Variants in DNMT3B observed in about 807,000 individuals in gnomAD.
The protein encoded by DNMT3B is DNA methyltransferase 3 beta, also known as DNA (cytosine-5)-methyltransferase 3B.
In DNMT3B, 37 loss-of-function variants were observed where a neutral mutation model predicts 120.2. The ratio of observed to expected loss-of-function variants is 0.31; its 90% CI spans 0.24 to 0.40. The LOEUF (loss-of-function observed/expected upper bound fraction) is 0.40. Ranked by LOEUF, DNMT3B falls within the 10% of genes least tolerant of loss-of-function variation. The pLI is 1.00. For missense variants in DNMT3B, 878 were observed against 1,137.3 expected, an observed-to-expected ratio of 0.77 and a Z score of 3.28; for synonymous variants, 412 against 442.8, an observed-to-expected ratio of 0.93 and a Z score of 0.87.
rs1273871968 is a variant in DNMT3B at position 32,787,341 on chromosome 20, C to G, written c.544C>G (p.Gln182Glu). 6.2e-7 allele frequency: 1 copy of G among 1,614,230 alleles called. No homozygotes were observed. Among genetic ancestry groups the G allele is most frequent in the South Asian group, 1.1e-5 (1 of 91,090 alleles). ...CACAGAGGACACACATGGGACGCCC[C>G]AGAGCAGCAGTACCCCCTACGCCCG... ...DDTEDTHGTP[Q>E]SSSTPYARLA... is the part of the protein sequence containing the mutation. Residue 182 changes from glutamine (Q) to glutamate (E), a missense_variant, in exon 6 of 23, where the codon CAG (glutamine) becomes GAG (glutamate). This residue lies in a region of DNMT3B where 287 missense variants were observed against 306.2 expected (regional missense o/e 0.94). Transcript: ENST00000328111.
In DNMT3B at chr20:32,807,877, C is replaced by T. The variant is rs1601145383; in HGVS notation, c.2536C>T (p.Leu846=). Residue 846 remains leucine (L), a synonymous_variant, in exon 23 of 23, where the codon CTG becomes TTG. Transcript: ENST00000328111. ...VPVIRHLFAP[L]KDYFACE ...TGTCATCCGACACCTCTTCGCCCCTCTGAAGGACTACTTTGCATGTGAATA... is the reference window on the plus strand; with the variant it reads ...TGTCATCCGACACCTCTTCGCCCCTTTGAAGGACTACTTTGCATGTGAATA... The T allele has an allele frequency of 1.9e-6, 3 of 1,614,252 alleles. No homozygotes were observed. The East Asian group carries it at 6.7e-5, about 36-fold the overall frequency.
At position 32,808,674 on chromosome 20, in the gene DNMT3B, TG is replaced by T. The variant is rs1982218863; in HGVS notation, c.*772del. On this transcript the variant is annotated 3_prime_UTR_variant, in exon 23 of 23. Transcript: ENST00000328111. The stretch of plus-strand genomic sequence containing the variant: ...CCTCTGGGGAGCTCAGGAAGGGGTG[TG>T]CTGAGTTCTATAATATAAGCTGCCA... 1 of 229,984 alleles carries T rather than the reference TG, an allele frequency of 4.3e-6. No individual in the cohort carries two copies. 14.2% of individuals were successfully genotyped at this position (229,984 alleles called of 1,614,324 possible).
At chr20:32,803,048 C>A (rs1206392984) in intron 20 of DNMT3B, among the ~76,000 whole-genome samples, 1 of 152,132 alleles carries the variant, frequency 6.6e-6, no homozygotes, top group Non-Finnish European at 1.5e-5. Flanking sequence ...CTTGGCCAGG[C>A]TCATGGTGAC....
In DNMT3B at chr20:32,781,472, A is replaced by C. The variant is rs1978618518; in HGVS notation, c.204+58A>C. ...AGGGACTTTGTCTTTGGCTTTCATC[A>C]CGTGGGCTGCCTGAGGCCCATAAAA... On this transcript the variant is annotated intron_variant, in intron 3 of 22. Coordinates refer to ENST00000328111, the MANE Select transcript of DNMT3B (RefSeq NM_006892.4). The C allele has an allele frequency of 5.6e-6, 9 of 1,594,726 alleles. No individual in the cohort carries two copies. The East Asian group carries it at 1.8e-4, about 32-fold the overall frequency.
intron 12 of DNMT3B, 122 bp from the exon 13 acceptor site, chr20:32,796,668 G>A (rs1396026952): frequency 1.1e-5 from 11 of 1,047,370 alleles, no homozygotes; most frequent in East Asian, 2.4e-5. Context: ...GGCCTGAGGT[G>A]CAAAGAGTCC....
At chr20:32,784,425 A>C (rs897538903) in intron 3 of DNMT3B, among the ~76,000 whole-genome samples, 8 of 152,262 alleles carry the variant, frequency 5.3e-5, no homozygotes, top group Admixed American at 3.3e-4. Context: ...TCAAAGCCAC[A>C]CAGTTGGTGA....
chr20:32,807,162 G>T (rs575915462), intron 22 of DNMT3B, among the ~76,000 whole-genome samples: 4 of 152,204 alleles, frequency 2.6e-5, no homozygotes, highest in Non-Finnish European at 4.4e-5. Flanking sequence ...AATAACCCAC[G>T]CAGCCATTGG....
intron 1 of DNMT3B, among the ~76,000 whole-genome samples, chr20:32,771,158 A>C (rs924061621): frequency 7.2e-5 from 11 of 152,228 alleles, no homozygotes; most frequent in Non-Finnish European, 1.3e-4. Context: ...GAAATAATTT[A>C]TTTGAAAGTC....
chr20:32,802,748 C>T (rs982178790), intron 20 of DNMT3B, among the ~76,000 whole-genome samples: 1 of 152,150 alleles, frequency 6.6e-6, no homozygotes, highest in African/African-American at 2.4e-5. Context: ...GCCTGTAATC[C>T]CAGCACTTTG....
At chr20:32,766,211 G>A (rs1394504140) in intron 1 of DNMT3B, among the ~76,000 whole-genome samples, 1 of 152,138 alleles carries the variant, frequency 6.6e-6, no homozygotes. Flanking sequence ...AGGCGTGTTT[G>A]TGCATGCCTG....
intron 1 of DNMT3B, among the ~76,000 whole-genome samples, chr20:32,779,146 T>C (rs1406161228): frequency 6.6e-6 from 1 of 152,192 alleles, no homozygotes; most frequent in Non-Finnish European, 1.5e-5. Flanking sequence ...GTGAGTGACC[T>C]GGAGCTGTTT....
intron 4 of DNMT3B, among the ~76,000 whole-genome samples, chr20:32,785,087 C>T (rs575009684): frequency 6.7e-6 from 1 of 150,330 alleles, no homozygotes; most frequent in Non-Finnish European, 1.5e-5. Context: ...CCCAGGCTGG[C>T]GTGCAATGGC....
At chr20:32,779,333 G>T (rs1005804186) in intron 1 of DNMT3B, among the ~76,000 whole-genome samples, 2 of 152,250 alleles carry the variant, frequency 1.3e-5, no homozygotes, top group African/African-American at 2.4e-5. Flanking sequence ...CTACCTCTTA[G>T]ATGGGCTATA....
At chr20:32,780,109 TGTCCACATGGAACCAA>T (rs1568829872) in intron 1 of DNMT3B, 193 bp from the exon 2 acceptor site, 1 of 1,613,444 alleles carries the variant, frequency 6.2e-7, no homozygotes, top group Non-Finnish European at 8.5e-7. Context: ...CGGGACAGCC[TGTCCACATGGAACCAA>T]GTCCTGAGCC....
Position 32,807,850 on chromosome 20 carries a change from C to G in DNMT3B, c.2509C>G (p.Pro837Ala). Residue 837 changes from proline (P) to alanine (A), a missense_variant, in exon 23 of 23, where the codon CCT becomes GCT. Pro to Ala is a conservative substitution (Grantham distance 27). Around this residue, in one of 4 missense-constraint regions of DNMT3B, gnomAD observed 334 missense variants for 518.8 expected, o/e 0.64. Transcript: ENST00000328111. ...GCTGCTGGGAAGGTCCTGGAGCGTG[C>G]CTGTCATCCGACACCTCTTCGCCCC... ...QKLLGRSWSV[P>A]VIRHLFAPLK... 2 of 1,614,226 alleles carry G rather than the reference C, an allele frequency of 1.2e-6. No individual in the cohort carries two copies. The highest frequency in any genetic ancestry group is 1.7e-6 in the Non-Finnish European group (2 of 1,180,038).
At chr20:32,778,942 A>G (rs954220736) in intron 1 of DNMT3B, among the ~76,000 whole-genome samples, 4 of 150,414 alleles carry the variant, frequency 2.7e-5, no homozygotes, top group Admixed American at 6.6e-5. Context: ...TCTCTAAGAT[A>G]GATGGATGGA....
Position 32,780,299 on chromosome 20 carries a change from A to T in DNMT3B, c.-6-19A>T, listed in dbSNP as rs1482565688. 1.2e-6 allele frequency: 2 copies of T among 1,613,800 alleles called. No homozygotes were observed. Among genetic ancestry groups the T allele is most frequent in the Non-Finnish European group, 1.7e-6 (2 of 1,180,006 alleles). ...TCCCTGCTTCCCTTTCACCCCACCC[A>T]TTCTGGCTTCTCCCACAGGAAAGCA... On this transcript the variant is annotated intron_variant, in intron 1 of 22. Transcript: ENST00000328111.
chr20:32,782,370 A>G (rs147733843), intron 3 of DNMT3B, among the ~76,000 whole-genome samples: 3 of 152,366 alleles, frequency 2.0e-5, no homozygotes, highest in South Asian at 2.1e-4. Context: ...ACTGAAAACT[A>G]TAAAAATGAC....
At position 32,807,837 on chromosome 20, in the gene DNMT3B, G is replaced by A. The variant is rs1209737690; in HGVS notation, c.2496G>A (p.Arg832=). The A allele has an allele frequency of 1.9e-6, 3 of 1,614,238 alleles. No individual in the cohort carries two copies. The highest frequency in any genetic ancestry group is 3.3e-5 in the Admixed American group (2 of 60,032). The part of the protein sequence containing the change: ...GRGARQKLLG[R]SWSVPVIRHL... ...GTGCCCGCCAGAAGCTGCTGGGAAG[G>A]TCCTGGAGCGTGCCTGTCATCCGAC... The change falls in exon 23 of 23, where the codon AGG becomes AGA. Residue 832 remains arginine, a synonymous_variant. Transcript: ENST00000328111.
Sources: gnomAD v4.1 joint callset for allele counts (sites outside exome capture counted in the v4.1 genomes callset) on GRCh38, gnomAD v4.1.1 for gene constraint, gnomAD v4.1.1 regional missense constraint, MANE v1.5 for transcripts, NCBI Gene and HGNC (gene_info 2026-07-23, HGNC 2026-07-21) for gene names.